LIMCH1: variants seen among roughly 807,000 people sequenced by gnomAD.
LIMCH1 encodes the protein LIM and calponin homology domains-containing protein 1.
In LIMCH1, 113 loss-of-function variants were observed where a neutral mutation model predicts 176.5. The observed-to-expected ratio is 0.64, with a 90% CI of 0.55 to 0.75. The LOEUF is 0.75. Ranked by LOEUF, LIMCH1 falls within the 30% of genes least tolerant of loss-of-function variation. The pLI is 0.00. For missense variants in LIMCH1, 1,674 were observed against 1,814.9 expected, an observed-to-expected ratio of 0.92 and a Z score of 1.41; for synonymous variants, 619 against 645.9, an observed-to-expected ratio of 0.96 and a Z score of 0.63.
intron 1 of LIMCH1, among the ~76,000 whole-genome samples, chr4:41,561,975 C>G (rs2082124854): frequency 6.6e-6 from 1 of 152,166 alleles, no homozygotes; most frequent in South Asian, 2.1e-4. Context: ...AAAACATTTT[C>G]TGCACGTCTC....
chr4:41,532,035 T>C (rs1325860282), intron 3 of LIMCH1, among the ~76,000 whole-genome samples: 1 of 152,196 alleles, frequency 6.6e-6, no homozygotes, highest in Non-Finnish European at 1.5e-5. Flanking sequence ...GAAACCTCGG[T>C]TGCGTTCCCA....
chr4:41,474,793 T>C (rs183985627), intron 1 of LIMCH1, among the ~76,000 whole-genome samples: 2 of 152,098 alleles, frequency 1.3e-5, no homozygotes, highest in African/African-American at 4.8e-5. Flanking sequence ...AAAAATAAAA[T>C]TATCATATGC....
At chr4:41,632,648 A>G (rs2093385232) in intron 10 of LIMCH1, 101 bp from the exon 11 acceptor site, 2 of 908,244 alleles carry the variant, frequency 2.2e-6, no homozygotes, top group Non-Finnish European at 3.4e-6. Flanking sequence ...GAGCAGCCAC[A>G]TTCTTCTCTT....
chr4:41,646,326 TG>T (rs1419975563), intron 16 of LIMCH1, 46 bp downstream of exon 16: 7 of 1,532,332 alleles, frequency 4.6e-6, no homozygotes, highest in South Asian at 2.5e-5. Flanking sequence ...ATTATCTAGG[TG>T]TTTTTTTTTT....
intron 1 of LIMCH1, among the ~76,000 whole-genome samples, chr4:41,367,497 C>T (rs903670391): frequency 6.6e-6 from 1 of 151,912 alleles, no homozygotes; most frequent in Non-Finnish European, 1.5e-5. Context: ...CCATTCACCC[C>T]TAGATAGCCC....
Position 41,548,174 on chromosome 4 carries a change from A to G in LIMCH1, c.-241+9824A>G, listed in dbSNP as rs535964118. ...CATTGCACTTCTCCTGTTTATCTCTACCCTTTGTTTAAGGCTTACACTTTA... is the reference window on the plus strand; with the variant it reads ...CATTGCACTTCTCCTGTTTATCTCTGCCCTTTGTTTAAGGCTTACACTTTA... On this transcript the variant is annotated intron_variant, in intron 1 of 31. Transcript: ENST00000503057. 2.6e-5 allele frequency among the ~76,000 whole-genome samples: 4 copies of G among 151,602 alleles called. No individual in the cohort carries two copies. In the East Asian group the frequency reaches 7.8e-4, roughly 30 times the overall value.
Position 41,687,929 on chromosome 4 carries a change from C to T in LIMCH1, c.4166+12C>T. ...CAGTCACCAAACAGGTACAAGAGGT[C>T]AGCAGGCCTTTCTGAGGCTGCTTTG... On this transcript the variant is annotated intron_variant, in intron 29 of 31. Coordinates refer to ENST00000503057, the MANE Select transcript of LIMCH1 (RefSeq NM_001330672.2). The T allele has an allele frequency of 1.2e-6, 2 of 1,608,852 alleles. No homozygotes were observed. Among genetic ancestry groups the T allele is most frequent in the African/African-American group, 1.3e-5 (1 of 74,880 alleles).
At chr4:41,503,800 C>T (rs943636028) in intron 2 of LIMCH1, among the ~76,000 whole-genome samples, 11 of 152,164 alleles carry the variant, frequency 7.2e-5, no homozygotes, top group South Asian at 2.1e-4. Flanking sequence ...CTCTACCAGT[C>T]GGTTCCCTCA....
chr4:41,545,209 G>A (rs1489697833), intron 1 of LIMCH1, among the ~76,000 whole-genome samples: 2 of 152,130 alleles, frequency 1.3e-5, no homozygotes, highest in Non-Finnish European at 2.9e-5. Flanking sequence ...GATGCCTATC[G>A]CTCACCTGAA....
At chr4:41,620,309 C>A (rs2092463735) in intron 6 of LIMCH1, 115 bp from the exon 7 acceptor site, 5 of 1,022,536 alleles carry the variant, frequency 4.9e-6, no homozygotes, top group Non-Finnish European at 6.9e-6. Flanking sequence ...ATATTGTGTG[C>A]TATGACTTTC....
chr4:41,618,612 G>A (rs891225439), intron 5 of LIMCH1, among the ~76,000 whole-genome samples: 1 of 152,204 alleles, frequency 6.6e-6, no homozygotes, highest in African/African-American at 2.4e-5. Context: ...GAGCTCCCAT[G>A]CAGAGGAACT....
chr4:41,653,322 C>T (rs912321680), intron 18 of LIMCH1, among the ~76,000 whole-genome samples: 1 of 144,836 alleles, frequency 6.9e-6, no homozygotes, highest in Non-Finnish European at 1.5e-5. Context: ...GTGTTACAGC[C>T]GGTATACTCC....
At chr4:41,481,249 A>T (rs2068567622) in intron 1 of LIMCH1, among the ~76,000 whole-genome samples, 1 of 152,196 alleles carries the variant, frequency 6.6e-6, no homozygotes, top group East Asian at 1.9e-4. Context: ...CTGAATAGAT[A>T]TAGGGAACTA....
chr4:41,679,944 G>A (rs1714294600), intron 23 of LIMCH1, 62 bp from the exon 24 acceptor site: 1 of 1,125,536 alleles, frequency 8.9e-7, no homozygotes, highest in South Asian at 1.3e-5. Context: ...GTTTAGGGGG[G>A]AAAATTCCCG....
At chr4:41,494,149 G>GA (rs895415215) in intron 1 of LIMCH1, among the ~76,000 whole-genome samples, 4 of 151,612 alleles carry the variant, frequency 2.6e-5, no homozygotes, top group Admixed American at 1.3e-4. Context: ...GTAGTAAATA[G>GA]AAAAAAAGGC....
intron 31 of LIMCH1, among the ~76,000 whole-genome samples, chr4:41,694,484 T>C (rs1367992054): frequency 2.6e-5 from 4 of 152,220 alleles, no homozygotes; most frequent in Non-Finnish European, 4.4e-5. Flanking sequence ...GATGATCATA[T>C]AGTCATGGTG....
intron 26 of LIMCH1, 21 bp downstream of exon 26, chr4:41,682,481 A>G: frequency 1.2e-6 from 2 of 1,608,146 alleles, no homozygotes; most frequent in Non-Finnish European, 8.5e-7. Context: ...ATCCCAAGCC[A>G]CCATGAAAAT....
At chr4:41,382,501 G>C (rs770454252) in intron 1 of LIMCH1, among the ~76,000 whole-genome samples, 10 of 152,142 alleles carry the variant, frequency 6.6e-5, no homozygotes, top group Non-Finnish European at 1.5e-4. Flanking sequence ...TTGGAAGCAG[G>C]AGGGAGGGCT....
At chr4:41,539,366 G>A (rs903177407) in intron 1 of LIMCH1, among the ~76,000 whole-genome samples, 1 of 152,150 alleles carries the variant, frequency 6.6e-6, no homozygotes, top group African/African-American at 2.4e-5. Flanking sequence ...CGCACAAGGT[G>A]AAGGTCAAAT....
Sources: gnomAD v4.1 joint callset for allele counts (sites outside exome capture counted in the v4.1 genomes callset) on GRCh38, gnomAD v4.1.1 for gene constraint, MANE v1.5 for transcripts, NCBI Gene and HGNC (gene_info 2026-07-23, HGNC 2026-07-21) for gene names.